RBM48: variants seen among roughly 807,000 people sequenced by gnomAD.
RBM48 encodes the protein RNA-binding protein 48.
RBM48 carries 32 observed loss-of-function variants against 34.8 expected under a neutral mutation model. That is an observed-to-expected ratio of 0.92 (90% CI 0.69 to 1.23). The LOEUF is 1.23. Among genes scored for constraint, RBM48 ranks in the 50% most tolerant of loss-of-function variants. The pLI, the probability that RBM48 is intolerant of heterozygous loss-of-function variation, is 0.00. For missense variants in RBM48, 441 were observed against 447.2 expected (o/e 0.99, Z 0.12); for synonymous variants, 151 against 156.2 (o/e 0.97, Z 0.25).
chr7:92,535,119 A>C (rs1160869305), intron 4 of RBM48, 149 bp downstream of exon 4: 1 of 1,455,584 alleles, frequency 6.9e-7, no homozygotes, highest in East Asian at 2.5e-5. Flanking sequence ...GAAATAACTG[A>C]ATTTGGCTAA....
At chr7:92,533,643 C>T (rs1394698321) in intron 3 of RBM48, among the ~76,000 whole-genome samples, 2 of 152,130 alleles carry the variant, frequency 1.3e-5, no homozygotes, top group Admixed American at 6.5e-5. Context: ...AGCATTCTAG[C>T]CTCTACAAGA....
chr7:92,530,047 C>A (rs995297111), intron 2 of RBM48, among the ~76,000 whole-genome samples: 1 of 151,600 alleles, frequency 6.6e-6, no homozygotes, highest in African/African-American at 2.4e-5. Flanking sequence ...TCTAGTGGCG[C>A]AGGCCTGTAA....
At chr7:92,529,157 C>T (rs1562874705) in intron 1 of RBM48, 2 of 591,662 alleles carry the variant, frequency 3.4e-6, no homozygotes, top group South Asian at 4.0e-5. Context: ...ATTGGATCTT[C>T]TGTGTTTACA....
rs1051634947 is a variant in RBM48, at chr7:92,537,008, C to A, written c.*71C>A. ...TTATTTTTAGCCTGTCATTTTAATT[C>A]TTCAAGAGATTTTACTGCTGGTATT... On this transcript the variant is annotated 3_prime_UTR_variant, in exon 5 of 5. Transcript: ENST00000265732. 10 of 1,140,174 alleles carry A rather than the reference C, an allele frequency of 8.8e-6. No homozygotes were observed. Among genetic ancestry groups the A allele is most frequent in the Non-Finnish European group, 1.2e-5 (10 of 809,526 alleles). The allele number at this position is 1,140,174 out of a possible 1,614,324, so 70.6% of individuals were successfully genotyped here.
At position 92,528,919 on chromosome 7, in the gene RBM48, G is replaced by A; in HGVS notation, c.106G>A (p.Val36Met). ...TCGAGAGGGACGACGGCCTCGTGCT[G>A]TGAAGGTAAAGTGATTTTGGTTTCA... ...KYREGRRPRA[V>M]KVYTINLESQ... Residue 36 changes from valine (V) to methionine (M), a missense_variant, in exon 1 of 5, where the codon GTG becomes ATG. Coordinates refer to ENST00000265732, the MANE Select transcript of RBM48 (RefSeq NM_032120.4). 2 of 1,612,802 alleles carry A rather than the reference G, an allele frequency of 1.2e-6. No homozygotes were observed. Among genetic ancestry groups the A allele is most frequent in the Non-Finnish European group, 1.7e-6 (2 of 1,179,006 alleles).
chr7:92,529,086 A>G, intron 1 of RBM48, 162 bp downstream of exon 1: 2 of 655,786 alleles, frequency 3.0e-6, no homozygotes, highest in South Asian at 3.3e-5. Flanking sequence ...AAAGATTCTC[A>G]CGACGCCTTT....
chr7:92,533,107 G>A lies in RBM48; in HGVS notation c.448+558G>A, dbSNP rs149174671. Among the ~76,000 whole-genome samples the A allele has an allele frequency of 3.8e-3, 573 of 152,298 alleles. 7 individuals are homozygous for A. Among genetic ancestry groups the A allele is most frequent in the African/African-American group, 0.013 (551 of 41,566 alleles). On this transcript the variant is annotated intron_variant, in intron 3 of 4. Coordinates refer to ENST00000265732, the MANE Select transcript of RBM48 (RefSeq NM_032120.4). Reference sequence around the variant, plus strand: ...ACTTTTGACCAGCAATTGGCTAAATGCCCCCACATGCCTGTTCTACCACAT... The same window carrying A: ...ACTTTTGACCAGCAATTGGCTAAATACCCCCACATGCCTGTTCTACCACAT...
In RBM48 at chr7:92,529,637, TATTAA is replaced by T. The variant is rs753622298; in HGVS notation, c.277_281del (p.Lys93TyrfsTer15). The T allele has an allele frequency of 3.8e-6, 6 of 1,599,302 alleles. No homozygotes were observed. In the Admixed American group the frequency reaches 5.2e-5, roughly 14 times the overall value. On this transcript the variant is annotated frameshift_variant, in exon 2 of 5. Transcript: ENST00000265732. LOFTEE classifies it high-confidence loss of function. ...CAGAAGACTTTACTGAAGTTTATCT[TATTAA>T]ATTTATGAACTTACAAAGTGCAAGG...
chr7:92,530,212 G>T (rs1348192820), intron 2 of RBM48, among the ~76,000 whole-genome samples: 1 of 149,978 alleles, frequency 6.7e-6, no homozygotes, highest in Non-Finnish European at 1.5e-5. Context: ...TGGGTTTGAA[G>T]CCTGGGCGTG....
At chr7:92,530,804 A>T (rs1793556345) in intron 2 of RBM48, among the ~76,000 whole-genome samples, 1 of 151,914 alleles carries the variant, frequency 6.6e-6, no homozygotes, top group Non-Finnish European at 1.5e-5. Flanking sequence ...TCAAAAAAAA[A>T]AAAAGAAAAA....
At position 92,538,696 on chromosome 7, in the gene RBM48, C is replaced by G. The variant is rs1038477090; in HGVS notation, c.*1759C>G. Among the ~76,000 whole-genome samples the G allele has an allele frequency of 9.2e-5, 14 of 152,188 alleles. No homozygotes were observed. The highest frequency in any genetic ancestry group is 1.3e-4 in the Admixed American group (2 of 15,280). ...CTATAAGTTGCTATGATCTCCACCT[C>G]AGGATCTTGTTAAAATGCAGATTCT... On this transcript the variant is annotated 3_prime_UTR_variant, in exon 5 of 5. Transcript: ENST00000265732.
chr7:92,537,824 A>G lies in RBM48; in HGVS notation c.*887A>G, dbSNP rs1042049264. The stretch of plus-strand genomic sequence containing the variant: ...ATTTCAGTACATCTAGACTGTCTCT[A>G]TTTTCTTTTTCTTTTTTTATTTTTA... On this transcript the variant is annotated 3_prime_UTR_variant, in exon 5 of 5. Transcript: ENST00000265732. 4.0e-5 allele frequency: 6 copies of G among 151,820 alleles called. No homozygotes were observed. Among genetic ancestry groups the G allele is most frequent in the South Asian group, 2.1e-4 (1 of 4,818 alleles). The allele number at this position is 151,820 out of a possible 1,614,324, so 9.4% of individuals were successfully genotyped here.
chr7:92,534,739 A>C lies in RBM48; in HGVS notation c.786A>C (p.Gln262His). 1 of 1,614,202 alleles carries C rather than the reference A, an allele frequency of 6.2e-7. No individual in the cohort carries two copies. ...ACTCAGTGGCCTGCCCTGGTGCACA[A>C]AAGGCTATTACGTCTTCAGAGGCAG... The part of the protein sequence containing the change: ...LKNSVACPGA[Q>H]KAITSSEAVD... Residue 262 changes from glutamine to histidine, a missense_variant, in exon 4 of 5, where the codon CAA (glutamine) becomes CAC (histidine). Coordinates refer to ENST00000265732, the MANE Select transcript of RBM48 (RefSeq NM_032120.4).
At chr7:92,535,321 A>C in intron 4 of RBM48, 1 of 1,168,130 alleles carries the variant, frequency 8.6e-7, no homozygotes, top group Non-Finnish European at 1.1e-6. Flanking sequence ...GAGAAGCAAA[A>C]GTATTGTAAA....
chr7:92,536,091 C>T (rs1347926728), intron 4 of RBM48: 1 of 871,354 alleles, frequency 1.1e-6, no homozygotes, highest in African/African-American at 1.8e-5. Flanking sequence ...GATCATGCCA[C>T]TGCACTCCAG....
intron 3 of RBM48, among the ~76,000 whole-genome samples, chr7:92,533,300 T>C (rs1473848792): frequency 2.0e-5 from 3 of 152,212 alleles, no homozygotes; most frequent in African/African-American, 4.8e-5. Context: ...CAAAGGAAAT[T>C]ATAAAATATT....
Position 92,540,364 on chromosome 7 carries a change from T to A in RBM48, c.*3427T>A, listed in dbSNP as rs142431795. On this transcript the variant is annotated 3_prime_UTR_variant, in exon 5 of 5. Transcript: ENST00000265732. Reference sequence around the variant, plus strand: ...TGCAAGCGATAGCTTGCCATCATTGTCATAATCTTAGGAAGATGTTTCTTG... The same window carrying A: ...TGCAAGCGATAGCTTGCCATCATTGACATAATCTTAGGAAGATGTTTCTTG... 2.0e-5 allele frequency: 3 copies of A among 152,394 alleles called. No homozygotes were observed. Among genetic ancestry groups the A allele is most frequent in the Admixed American group, 6.5e-5 (1 of 15,314 alleles). The allele number at this position is 152,394 out of a possible 1,614,324, so 9.4% of individuals were successfully genotyped here.
chr7:92,535,791 T>C, intron 4 of RBM48: 1 of 974,042 alleles, frequency 1.0e-6, no homozygotes, highest in Non-Finnish European at 1.2e-6. Flanking sequence ...TTAAAGGTAT[T>C]ATTTAATAAT....
At chr7:92,536,573 C>T in intron 4 of RBM48, 4 of 1,051,060 alleles carry the variant, frequency 3.8e-6, no homozygotes, top group Non-Finnish European at 4.6e-6. Context: ...GTCTTTAGAT[C>T]TATAAAGGAA....
Sources: gnomAD v4.1 joint callset for allele counts (sites outside exome capture counted in the v4.1 genomes callset) on GRCh38, gnomAD v4.1.1 for gene constraint, MANE v1.5 for transcripts, NCBI Gene and HGNC (gene_info 2026-07-23, HGNC 2026-07-21) for gene names.